GPHN: variants seen among roughly 807,000 people sequenced by gnomAD.
GPHN encodes gephyrin.
GPHN carries 17 observed loss-of-function variants against 95.5 expected under a neutral mutation model. That is an observed-to-expected ratio of 0.18 (90% CI 0.12 to 0.27). GPHN has a LOEUF of 0.27. Among genes scored for constraint, GPHN ranks in the 10% least tolerant of loss-of-function variants. The probability of loss-of-function intolerance (pLI) is 1.00; values close to 1 mark genes in which losing one functional copy is unlikely to be tolerated. For synonymous variants in GPHN, 320 were observed against 322.5 expected (o/e 0.99, Z 0.08); for missense variants, 660 against 978.1 (o/e 0.67, Z 4.34).
chr14:67,503,011 G>A, the GPHN span, among the ~76,000 whole-genome samples: 3 of 152,136 alleles, frequency 2.0e-5, no homozygotes, highest in East Asian at 3.9e-4. Context: ...CTTTAAAGAT[G>A]AAACCAATGT....
intron 2 of GPHN, among the ~76,000 whole-genome samples, chr14:66,762,901 A>C (rs1447335409): frequency 1.3e-5 from 2 of 152,192 alleles, no homozygotes; most frequent in Non-Finnish European, 2.9e-5. Flanking sequence ...TTCTAATCAA[A>C]GGCTTTTAGG....
chr14:67,562,135 A>C, the GPHN span: 1 of 1,611,494 alleles, frequency 6.2e-7, no homozygotes, highest in Non-Finnish European at 8.5e-7. Flanking sequence ...CCCGAATCAC[A>C]GCTATTCAGA....
Position 66,508,184 on chromosome 14 carries a change from C to T in GPHN, c.-344C>T, listed in dbSNP as rs950104689. 105 of 488,712 alleles carry T rather than the reference C, an allele frequency of 2.1e-4. No homozygotes were observed. The Middle Eastern group carries it at 3.4e-3, about 16-fold the overall frequency. The allele number at this position is 488,712 out of a possible 1,614,324, so 30.3% of individuals were successfully genotyped here. On this transcript the variant is annotated 5_prime_UTR_variant, in exon 1 of 23. Transcript: ENST00000478722. ...GTCCTGCCATCTAGCTGCCTTGGGT[C>T]TCGCGCTCCGCAGAGCGTTCCGACA...
At chr14:66,582,183 T>C (rs1402059997) in intron 1 of GPHN, among the ~76,000 whole-genome samples, 1 of 151,930 alleles carries the variant, frequency 6.6e-6, no homozygotes, top group Non-Finnish European at 1.5e-5. Context: ...ATGCCAAATA[T>C]CATCTCCAGT....
the GPHN span, among the ~76,000 whole-genome samples, chr14:67,643,088 C>G: frequency 1.3e-5 from 2 of 152,302 alleles, no homozygotes; most frequent in Admixed American, 6.5e-5. Flanking sequence ...CAGGCATGAG[C>G]CACTGTGCCC....
chr14:67,721,417 A>G, the GPHN span, among the ~76,000 whole-genome samples: 1 of 152,036 alleles, frequency 6.6e-6, no homozygotes, highest in Non-Finnish European at 1.5e-5. Context: ...CCACACCCAG[A>G]TAATTTTTTG....
At chr14:67,627,564 A>G in the GPHN span, among the ~76,000 whole-genome samples, 1 of 152,104 alleles carries the variant, frequency 6.6e-6, no homozygotes, top group African/African-American at 2.4e-5. Context: ...TCAACAGCAA[A>G]TATCAGTGAT....
the GPHN span, among the ~76,000 whole-genome samples, chr14:67,668,152 G>A: frequency 5.7e-4 from 87 of 152,188 alleles, no homozygotes; most frequent in Non-Finnish European, 1.1e-3. Context: ...TATGATACAC[G>A]TTAAGACATA....
chr14:67,165,806 C>T (rs548609355), intron 20 of GPHN, among the ~76,000 whole-genome samples: 1 of 152,290 alleles, frequency 6.6e-6, no homozygotes, highest in South Asian at 2.1e-4. Context: ...CTTGTCCCAA[C>T]GTGAGCAGAA....
chr14:67,119,515 C>T (rs1301224094), intron 16 of GPHN, among the ~76,000 whole-genome samples: 1 of 152,122 alleles, frequency 6.6e-6, no homozygotes, highest in Non-Finnish European at 1.5e-5. Context: ...TTAGGCCAGG[C>T]GCAGTGGCTC....
At chr14:66,661,227 C>A (rs1282072681) in intron 1 of GPHN, among the ~76,000 whole-genome samples, 2 of 152,170 alleles carry the variant, frequency 1.3e-5, no homozygotes, top group Non-Finnish European at 2.9e-5. Context: ...TTTCAGCCAG[C>A]CCCCAGCAAC....
chr14:67,143,381 G>T lies in GPHN; in HGVS notation c.1768G>T (p.Ala590Ser), dbSNP rs375284004. ...TTCCAGCCCAGATGACTTACTCAAT[G>T]CCTTGAATGAGGGTATCAGTCGTGC... is the stretch of plus-strand genomic sequence containing the variant. ...VGDNPDDLLNALNEGISRADV... is the reference protein window; with the variant it reads ...VGDNPDDLLNSLNEGISRADV... The change falls in exon 18 of 23, where the codon GCC becomes TCC. Residue 590 changes from alanine to serine, a missense_variant. By Grantham distance (99) the Ala-to-Ser change is moderately conservative (BLOSUM62 1). This residue lies in a region of GPHN where 257 missense variants were observed against 376.2 expected (regional missense o/e 0.68). Coordinates refer to ENST00000478722, the MANE Select transcript of GPHN (RefSeq NM_020806.5). 3.0e-5 allele frequency: 49 copies of T among 1,608,850 alleles called. No individual in the cohort carries two copies. Among genetic ancestry groups the T allele is most frequent in the Non-Finnish European group, 4.1e-5 (48 of 1,175,272 alleles).
the GPHN span, among the ~76,000 whole-genome samples, chr14:67,552,590 A>AC: frequency 6.6e-6 from 1 of 151,854 alleles, no homozygotes; most frequent in Non-Finnish European, 1.5e-5. Context: ...ACACGGTGAA[A>AC]CCCCGTCTCT....
chr14:67,724,031 C>T, the GPHN span, among the ~76,000 whole-genome samples: 86 of 152,334 alleles, frequency 5.6e-4, no homozygotes, highest in African/African-American at 1.9e-3. Flanking sequence ...GTGTGCCACC[C>T]CCCACAGAGT....
At chr14:67,595,222 C>T in the GPHN span, among the ~76,000 whole-genome samples, 110,736 of 151,826 alleles carry the variant, frequency 0.73, 41,413 homozygotes, top group Middle Eastern at 0.83. Context: ...TCTGATTTTA[C>T]AGTAACGTGT....
chr14:67,158,105 G>C (rs1238842962), intron 18 of GPHN, among the ~76,000 whole-genome samples: 1 of 151,718 alleles, frequency 6.6e-6, no homozygotes, highest in East Asian at 1.9e-4. Flanking sequence ...TCAGGAGTTT[G>C]ACACAAGCCT....
chr14:67,200,289 G>A, the GPHN span: 1 of 690,218 alleles, frequency 1.4e-6, no homozygotes, highest in South Asian at 1.8e-5. Flanking sequence ...GCCACCAGTT[G>A]CCCCTCGAGG....
the GPHN span, chr14:67,387,062 C>T: frequency 1.9e-4 from 54 of 289,658 alleles, no homozygotes; most frequent in Admixed American, 5.0e-4. Context: ...CTTTGGTGCC[C>T]GAGGAAATGG....
the GPHN span, among the ~76,000 whole-genome samples, chr14:67,457,194 G>C: frequency 6.6e-6 from 1 of 152,100 alleles, no homozygotes. Context: ...TTATTAGCTG[G>C]GTGACAAAAT....
Sources: allele counts gnomAD v4.1 joint callset (sites outside exome capture counted in the v4.1 genomes callset), GRCh38; gene constraint gnomAD v4.1.1; regional missense constraint gnomAD v4.1.1; transcripts MANE v1.5; gene names NCBI Gene and HGNC (gene_info 2026-07-23, HGNC 2026-07-21).